Variants in SPATA13 observed in about 807,000 individuals in gnomAD.
SPATA13 encodes spermatogenesis-associated protein 13.
In SPATA13, 50 loss-of-function variants were observed where a neutral mutation model predicts 104.0. That is an observed-to-expected ratio of 0.48 (90% CI 0.38 to 0.61). The LOEUF (loss-of-function observed/expected upper bound fraction) is 0.61. SPATA13 is among the 20% of genes least tolerant of loss of function. The probability of loss-of-function intolerance (pLI) is 0.00; values close to 1 mark genes in which losing one functional copy is unlikely to be tolerated. For missense variants in SPATA13, 1,524 were observed against 1,690.6 expected (o/e 0.90, Z 1.73); for synonymous variants, 606 against 667.5 (o/e 0.91, Z 1.42).
At chr13:24,202,966 T>A (rs897526110) in intron 1 of SPATA13, among the ~76,000 whole-genome samples, 3 of 152,124 alleles carry the variant, frequency 2.0e-5, no homozygotes, top group Non-Finnish European at 4.4e-5. Flanking sequence ...GGTGAGATTT[T>A]TTTTTTCCCT....
intron 3 of SPATA13, among the ~76,000 whole-genome samples, chr13:24,124,568 G>A (rs1881147292): frequency 6.6e-6 from 1 of 152,174 alleles, no homozygotes; most frequent in Non-Finnish European, 1.5e-5. Context: ...TCCTGGAGGT[G>A]AATTTAGTCA....
At chr13:24,125,950 C>A (rs1881199931) in intron 3 of SPATA13, among the ~76,000 whole-genome samples, 1 of 152,234 alleles carries the variant, frequency 6.6e-6, no homozygotes, top group South Asian at 2.1e-4. Flanking sequence ...CTTTTCCCTG[C>A]AGCTGAGAGC....
chr13:24,140,364 G>C (rs927297163), intron 3 of SPATA13, among the ~76,000 whole-genome samples: 5 of 152,200 alleles, frequency 3.3e-5, no homozygotes, highest in African/African-American at 1.2e-4. Context: ...AGCAGACAGA[G>C]AGGATATTTT....
chr13:24,265,308 C>T (rs907806209), intron 4 of SPATA13, among the ~76,000 whole-genome samples: 1 of 152,174 alleles, frequency 6.6e-6, no homozygotes, highest in African/African-American at 2.4e-5. Context: ...CATGCCATGC[C>T]CTGTGTTACG....
chr13:24,149,260 T>C (rs1319847068), intron 3 of SPATA13, among the ~76,000 whole-genome samples: 1 of 152,166 alleles, frequency 6.6e-6, no homozygotes, highest in African/African-American at 2.4e-5. Context: ...TCCACCAGAA[T>C]TAAATACAAC....
At chr13:23,983,023 T>C (rs1354844131) in intron 1 of SPATA13, among the ~76,000 whole-genome samples, 2 of 152,186 alleles carry the variant, frequency 1.3e-5, no homozygotes, top group Non-Finnish European at 2.9e-5. Flanking sequence ...AGGGGCTCCC[T>C]GGAGCAAAAT....
In SPATA13 at chr13:24,049,505, T is replaced by C. The variant is rs571137816; in HGVS notation, c.-112+31804T>C. 5.3e-5 allele frequency among the ~76,000 whole-genome samples: 8 copies of C among 152,266 alleles called. No homozygotes were observed. The East Asian group carries it at 1.5e-3, about 29-fold the overall frequency. On this transcript the variant is annotated intron_variant, in intron 3 of 14. Transcript: ENST00000424834. ...ACAACATCGCCTACATTTCTCAGAA[T>C]GTAGCCCCATTAGTAAGAAATGCAT...
At chr13:24,021,717 T>C (rs1013173034) in intron 3 of SPATA13, among the ~76,000 whole-genome samples, 9 of 117,078 alleles carry the variant, frequency 7.7e-5, no homozygotes, top group African/African-American at 3.6e-4. Flanking sequence ...TTGGAAAATC[T>C]TTTTTTTTTT....
rs758024844 is a variant in SPATA13, at chr13:24,224,318, T to G, written c.1389T>G (p.Pro463=). 2.4e-5 allele frequency: 38 copies of G among 1,551,502 alleles called. No individual in the cohort carries two copies. Among genetic ancestry groups the G allele is most frequent in the Non-Finnish European group, 3.3e-5 (38 of 1,146,966 alleles). Residue 463 remains proline, a synonymous_variant, in exon 2 of 13, where the codon CCT becomes CCG. Coordinates refer to ENST00000382108, the MANE Select transcript of SPATA13 (RefSeq NM_001166271.3). ...TTGACCCTGAGCAGCCTCCCACCCC[T>G]CTAAGGCCCACCACACCCAAGCCCC... ...LTFDPEQPPT[P]LRPTTPKPQS...
At chr13:24,159,868 A>G (rs535923380), upstream of SPATA13, among the ~76,000 whole-genome samples, 30 of 152,366 alleles carry the variant, frequency 2.0e-4, no homozygotes, top group African/African-American at 7.0e-4. Flanking sequence ...CTAAAAAACT[A>G]CACTGGTAGA....
chr13:24,179,361 T>G (rs956484114), intron 1 of SPATA13, among the ~76,000 whole-genome samples: 6 of 152,226 alleles, frequency 3.9e-5, no homozygotes, highest in African/African-American at 1.4e-4. Flanking sequence ...AGACTATTTC[T>G]CAAGCAGGCA....
intron 3 of SPATA13, among the ~76,000 whole-genome samples, chr13:24,031,370 A>G (rs997038403): frequency 3.9e-5 from 6 of 152,220 alleles, no homozygotes; most frequent in African/African-American, 9.7e-5. Context: ...ATGCTAGCAC[A>G]TCTCCTAAGC....
At chr13:24,042,335 T>C (rs1370601345) in intron 3 of SPATA13, among the ~76,000 whole-genome samples, 3 of 152,144 alleles carry the variant, frequency 2.0e-5, no homozygotes, top group Non-Finnish European at 4.4e-5. Context: ...AAAATTAACA[T>C]AAAATGTAAA....
chr13:24,017,333 C>T (rs1304848923), intron 2 of SPATA13, among the ~76,000 whole-genome samples: 4 of 152,132 alleles, frequency 2.6e-5, no homozygotes, highest in Admixed American at 6.5e-5. Flanking sequence ...CCAGAACCTA[C>T]GTAAGCCCAC....
At chr13:24,137,052 A>G (rs112931737) in intron 3 of SPATA13, among the ~76,000 whole-genome samples, 6,706 of 121,426 alleles carry the variant, frequency 0.055, 2,240 homozygotes, top group African/African-American at 0.17. Flanking sequence ...GGATGGTCTC[A>G]ATCTCCTGAC....
Position 23,985,978 on chromosome 13 carries a change from C to T in SPATA13, c.-147+2045C>T, listed in dbSNP as rs546137931. Among the ~76,000 whole-genome samples, 58 of 152,304 alleles carry T rather than the reference C, an allele frequency of 3.8e-4. 1 individual carries two copies. Among genetic ancestry groups the T allele is most frequent in the South Asian group, 4.1e-4 (2 of 4,826 alleles). On this transcript the variant is annotated intron_variant, in intron 2 of 14. Coordinates refer to the SPATA13 transcript ENST00000424834. ...CTGCAAGTGCGCTTCTCCTCACCCG[C>T]GGACCTCAGCTCTTCCCTTCATGAT...
intron 4 of SPATA13, among the ~76,000 whole-genome samples, chr13:24,282,893 G>T (rs1302383514): frequency 6.6e-6 from 1 of 152,212 alleles, no homozygotes; most frequent in South Asian, 2.1e-4. Context: ...GAATTCAGAC[G>T]AGACTCTGTG....
At chr13:24,055,162 T>G (rs914302022) in intron 3 of SPATA13, among the ~76,000 whole-genome samples, 2 of 152,236 alleles carry the variant, frequency 1.3e-5, no homozygotes, top group South Asian at 2.1e-4. Flanking sequence ...ATGTGCATAT[T>G]TGTTACAAAG....
intron 1 of SPATA13, among the ~76,000 whole-genome samples, chr13:24,210,474 C>T (rs1013377699): frequency 4.6e-5 from 7 of 152,080 alleles, no homozygotes; most frequent in African/African-American, 1.7e-4. Flanking sequence ...TATTATTTTG[C>T]ATGTGGATAT....
Sources: gnomAD v4.1 joint callset for allele counts (sites outside exome capture counted in the v4.1 genomes callset) on GRCh38, gnomAD v4.1.1 for gene constraint, MANE v1.5 for transcripts, NCBI Gene and HGNC (gene_info 2026-07-23, HGNC 2026-07-21) for gene names.